DCX: variants seen among roughly 807,000 people sequenced by gnomAD.
DCX encodes doublecortin.
In DCX, 4 loss-of-function variants were observed where a neutral mutation model predicts 20.9. The ratio of observed to expected loss-of-function variants is 0.19; its 90% confidence interval spans 0.09 to 0.44. DCX has a LOEUF of 0.44. Ranked by LOEUF, DCX falls within the 20% of genes least tolerant of loss-of-function variation. The pLI is 0.99. For missense variants in DCX, 133 were observed against 296.9 expected, an observed-to-expected ratio of 0.45 and a Z score of 4.06; for synonymous variants, 103 against 111.4, an observed-to-expected ratio of 0.92 and a Z score of 0.47.
intron 3 of DCX, among the ~76,000 whole-genome samples, chrX:111,344,986 A>T (rs1378661595): frequency 2.7e-5 from 3 of 112,347 alleles, no homozygotes; most frequent in Non-Finnish European, 5.6e-5. Flanking sequence ...ACTTGACTTC[A>T]AACTATACTA....
chrX:111,350,968 A>C (rs902797692), intron 3 of DCX, among the ~76,000 whole-genome samples: 1 of 112,070 alleles, frequency 8.9e-6, no homozygotes, highest in African/African-American at 3.2e-5. Flanking sequence ...TAAAACCATC[A>C]GATCTTGTGA....
chrX:111,352,837 CAGAGAGAGAGAGAGAG>C (rs768081351), intron 3 of DCX, among the ~76,000 whole-genome samples: 2 of 90,144 alleles, frequency 2.2e-5, no homozygotes, highest in African/African-American at 4.2e-5. Context: ...GACAGACAGA[CAGAGAGAGAGAGAGAG>C]AGAGAGAGAG....
rs1027076070 is a variant in DCX at position 111,332,903 on chromosome X, G to C, written c.808+148C>G. On this transcript the variant is annotated intron_variant, in intron 4 of 6. Coordinates refer to ENST00000636035, the MANE Select transcript of DCX (RefSeq NM_001195553.2). Reference sequence around the variant, plus strand: ...CAGTCTTACATGGGTCATGACCCATGTATCCAAATATACAGGAGAAAGACC... The same window carrying C: ...CAGTCTTACATGGGTCATGACCCATCTATCCAAATATACAGGAGAAAGACC... 9.8e-6 allele frequency: 5 copies of C among 507,757 alleles called. No homozygotes were observed. The African/African-American group carries it at 1.2e-4, about 12-fold the overall frequency. The allele number at this position is 507,757 out of a possible 1,213,427, so 41.8% of individuals were successfully genotyped here. A position where few individuals can be genotyped will look rare whatever the true frequency, so the allele number is the denominator to read the frequency against.
intron 3 of DCX, among the ~76,000 whole-genome samples, chrX:111,386,710 T>C (rs1452097332): frequency 9.0e-6 from 1 of 111,482 alleles, no homozygotes; most frequent in Non-Finnish European, 1.9e-5. Flanking sequence ...CTCTTTTCTC[T>C]GGATGAACTG....
At chrX:111,391,991 T>A (rs185196433) in intron 3 of DCX, among the ~76,000 whole-genome samples, 13 of 111,720 alleles carry the variant, frequency 1.2e-4, no homozygotes, top group African/African-American at 2.3e-4. Context: ...AGGTCCCAAC[T>A]GTTTAGAATG....
At chrX:111,366,090 G>A (rs971549006) in intron 3 of DCX, among the ~76,000 whole-genome samples, 14 of 112,257 alleles carry the variant, frequency 1.2e-4, no homozygotes, top group Non-Finnish European at 5.6e-5. Context: ...TTAGCGTAAT[G>A]TCATTATATA....
chrX:111,382,719 GC>G (rs755194099), intron 3 of DCX, among the ~76,000 whole-genome samples: 140 of 111,660 alleles, frequency 1.3e-3, no homozygotes, highest in Middle Eastern at 4.6e-3. Flanking sequence ...AAAAATAACT[GC>G]AAAACAATGA....
intron 5 of DCX, among the ~76,000 whole-genome samples, chrX:111,327,999 T>C (rs771603875): frequency 7.8e-4 from 88 of 112,563 alleles, no homozygotes; most frequent in African/African-American, 2.8e-3. Context: ...AAAGATTGTC[T>C]AGACTAGGGT....
intron 5 of DCX, among the ~76,000 whole-genome samples, chrX:111,328,560 G>A (rs751737010): frequency 9.0e-6 from 1 of 110,982 alleles, no homozygotes; most frequent in Admixed American, 9.6e-5. Context: ...GGGTTATATG[G>A]TGGTTTAAAA....
chrX:111,375,016 T>C (rs1434402689), intron 3 of DCX, among the ~76,000 whole-genome samples: 3 of 100,197 alleles, frequency 3.0e-5, no homozygotes, highest in Admixed American at 2.3e-4. Flanking sequence ...AAGTATGACA[T>C]ACTAGATGAT....
chrX:111,319,792 C>T (rs1409594160), intron 5 of DCX, among the ~76,000 whole-genome samples: 1 of 111,828 alleles, frequency 8.9e-6, no homozygotes, highest in African/African-American at 3.3e-5. Flanking sequence ...TGGTGGGCAA[C>T]CCCGGTAAGT....
intron 3 of DCX, among the ~76,000 whole-genome samples, chrX:111,336,524 C>T (rs941490930): frequency 2.7e-5 from 3 of 112,096 alleles, no homozygotes. Flanking sequence ...GCTATTGAGA[C>T]ACGGCAGCCC....
At chrX:111,390,695 C>T (rs1447594998) in intron 3 of DCX, among the ~76,000 whole-genome samples, 1 of 111,179 alleles carries the variant, frequency 9.0e-6, no homozygotes, top group Non-Finnish European at 1.9e-5. Context: ...ATATAATTCC[C>T]CTGCTTAAAA....
Position 111,304,901 on chromosome X carries a change from C to T in DCX, c.1045-3158G>A, listed in dbSNP as rs556652722. On this transcript the variant is annotated intron_variant, in intron 6 of 6. Transcript: ENST00000636035. ...AGAAAAGAAGCGAGATGGCCCTAAT[C>T]TTTCCCCATTGACTGACCCTGAGGC... 1.6e-3 allele frequency among the ~76,000 whole-genome samples: 177 copies of T among 111,674 alleles called. 2 individuals carry two copies. In the South Asian group the frequency reaches 0.067, roughly 42 times the overall value.
intron 3 of DCX, among the ~76,000 whole-genome samples, chrX:111,388,655 A>G (rs192742157): frequency 1.7e-3 from 192 of 112,327 alleles, no homozygotes; most frequent in South Asian, 3.7e-3. Context: ...TTATTTGACC[A>G]CAGAATATTT....
At chrX:111,356,412 G>A (rs1294319258) in intron 3 of DCX, among the ~76,000 whole-genome samples, 1 of 112,833 alleles carries the variant, frequency 8.9e-6, no homozygotes, top group Non-Finnish European at 1.9e-5. Flanking sequence ...GCTGTCCCAG[G>A]CTCAGGGCCT....
At chrX:111,312,497 C>T (rs905668296) in intron 6 of DCX, 142 bp downstream of exon 6, 3 of 530,988 alleles carry the variant, frequency 5.6e-6, no homozygotes, top group East Asian at 3.6e-5. Flanking sequence ...TGCTTGGATT[C>T]GCAGAACTTC....
chrX:111,341,329 A>G (rs1487175398), intron 3 of DCX, among the ~76,000 whole-genome samples: 1 of 110,611 alleles, frequency 9.0e-6, no homozygotes, highest in East Asian at 2.9e-4. Flanking sequence ...TAGAGGAAAA[A>G]GAATGAAAAG....
chrX:111,389,508 T>C (rs1280906700), intron 3 of DCX, among the ~76,000 whole-genome samples: 2 of 111,536 alleles, frequency 1.8e-5, no homozygotes, highest in African/African-American at 6.5e-5. Context: ...TATCACTTTC[T>C]CCTTCTGGAG....
Sources: gnomAD v4.1 joint callset for allele counts (sites outside exome capture counted in the v4.1 genomes callset) on GRCh38, gnomAD v4.1.1 for gene constraint, MANE v1.5 for transcripts, NCBI Gene and HGNC (gene_info 2026-07-23, HGNC 2026-07-21) for gene names.